The following AAK1 variants were observed in gnomAD, a reference collection of about 807,000 sequenced individuals.
AAK1 encodes the protein AP2 associated kinase 1.
Under a neutral mutation model 116.0 loss-of-function variants are expected in AAK1, and 37 were observed. That is an observed-to-expected ratio of 0.32 (90% confidence interval 0.25 to 0.42). The LOEUF is 0.42. Among genes scored for constraint, AAK1 ranks in the 10% least tolerant of loss-of-function variants. The pLI, the probability that AAK1 is intolerant of heterozygous loss-of-function variation, is 1.00. For synonymous variants in AAK1, 458 were observed against 439.9 expected (o/e 1.04, Z -0.51); for missense variants, 919 against 1,170.6 (o/e 0.79, Z 3.14).
At chr2:69,544,676 A>C (rs1670854210) in intron 3 of AAK1, 132 bp from the exon 4 acceptor site, 2 of 670,370 alleles carry the variant, frequency 3.0e-6, no homozygotes, top group East Asian at 2.7e-5. Flanking sequence ...ACTAAGGAGC[A>C]AAGTCAAGAA....
chr2:69,539,674 C>A (rs1420668832), intron 5 of AAK1, among the ~76,000 whole-genome samples: 1 of 152,188 alleles, frequency 6.6e-6, no homozygotes, highest in Non-Finnish European at 1.5e-5. Context: ...GTCACTCTAG[C>A]CTGGTCTGCA....
intron 2 of AAK1, among the ~76,000 whole-genome samples, chr2:69,604,163 C>T (rs995532000): frequency 2.6e-5 from 4 of 152,196 alleles, no homozygotes; most frequent in African/African-American, 4.8e-5. Context: ...GCCTTTGATG[C>T]ACCTCAATGC....
At chr2:69,546,098 C>CTT (rs1057245012) in intron 3 of AAK1, among the ~76,000 whole-genome samples, 2 of 147,874 alleles carry the variant, frequency 1.4e-5, no homozygotes, top group African/African-American at 4.9e-5. Context: ...CTTAGGGTAA[C>CTT]TTTTTTTTTT....
chr2:69,610,611 TG>T (rs112711276), intron 2 of AAK1, among the ~76,000 whole-genome samples: 16 of 152,216 alleles, frequency 1.1e-4, no homozygotes, highest in African/African-American at 3.9e-4. Flanking sequence ...ATCATACATC[TG>T]ATAAGAAGTT....
At chr2:69,560,137 G>A (rs140659587) in intron 2 of AAK1, among the ~76,000 whole-genome samples, 83 of 152,310 alleles carry the variant, frequency 5.4e-4, no homozygotes, top group African/African-American at 1.9e-3. Flanking sequence ...TTTAAATCAC[G>A]AGATCAAAAT....
intron 17 of AAK1, among the ~76,000 whole-genome samples, chr2:69,493,831 G>A (rs919046918): frequency 1.3e-5 from 2 of 152,166 alleles, no homozygotes; most frequent in Non-Finnish European, 2.9e-5. Flanking sequence ...CTGAAGGGAA[G>A]GCTTTCCAAG....
intron 17 of AAK1, among the ~76,000 whole-genome samples, chr2:69,492,771 G>A (rs866063776): frequency 4.6e-5 from 7 of 151,776 alleles, no homozygotes; most frequent in African/African-American, 1.7e-4. Flanking sequence ...TGATCCACCC[G>A]CCTCGACCTC....
chr2:69,516,679 AAG>A (rs1676594456), intron 12 of AAK1: 1 of 152,232 alleles, frequency 6.6e-6, no homozygotes, highest in African/African-American at 2.4e-5. Flanking sequence ...AGCCAATTTG[AAG>A]AGACTTCCAC....
At chr2:69,529,945 T>C in intron 8 of AAK1, 63 bp downstream of exon 8, 1 of 1,356,518 alleles carries the variant, frequency 7.4e-7, no homozygotes, top group Non-Finnish European at 9.9e-7. Context: ...AATCCCTTTA[T>C]CCCCCAATTC....
chr2:69,594,763 T>A, intron 2 of AAK1: 1 of 928,612 alleles, frequency 1.1e-6, no homozygotes, highest in East Asian at 2.4e-5. Context: ...CACTTAGCCC[T>A]TTCTCTTCTT....
intron 16 of AAK1, 98 bp from the exon 17 acceptor site, chr2:69,496,178 C>A: frequency 1.3e-6 from 1 of 787,670 alleles, no homozygotes; most frequent in Non-Finnish European, 2.1e-6. Flanking sequence ...TCTATTAATG[C>A]AACAGTTCAA....
intron 15 of AAK1, among the ~76,000 whole-genome samples, chr2:69,506,030 G>A (rs555109474): frequency 6.6e-6 from 1 of 152,286 alleles, no homozygotes; most frequent in Admixed American, 6.5e-5. Flanking sequence ...GCTCTAATGA[G>A]TTTGATGATC....
At chr2:69,529,726 T>C (rs1280915540) in intron 8 of AAK1, among the ~76,000 whole-genome samples, 2 of 152,224 alleles carry the variant, frequency 1.3e-5, no homozygotes, top group African/African-American at 2.4e-5. Context: ...GGAGCTTTCA[T>C]AGAGACTGCA....
chr2:69,600,655 TG>T (rs1673536136), intron 2 of AAK1, among the ~76,000 whole-genome samples: 1 of 152,206 alleles, frequency 6.6e-6, no homozygotes, highest in African/African-American at 2.4e-5. Context: ...CTGTGAACAT[TG>T]TTGAAATGAC....
intron 2 of AAK1, among the ~76,000 whole-genome samples, chr2:69,574,630 A>T (rs1672226072): frequency 1.3e-5 from 2 of 151,962 alleles, no homozygotes; most frequent in Admixed American, 1.3e-4. Flanking sequence ...AAAAAAAAAT[A>T]GTTTGTTTAT....
chr2:69,502,526 C>T lies in AAK1; in HGVS notation c.2269+3043G>A, dbSNP rs1676017938. On this transcript the variant is annotated intron_variant, in intron 16 of 21. Transcript: ENST00000409085. ...ATCTCAGCTACTTGGGAGGCTGAGG[C>T]AGGAGAATCGCTTGAACCTGGGAGG... Among the ~76,000 whole-genome samples the T allele has an allele frequency of 2.0e-5, 3 of 152,290 alleles. No homozygotes were observed. In the South Asian group the frequency reaches 6.2e-4, roughly 32 times the overall value.
At chr2:69,529,439 G>A (rs1287104333) in intron 8 of AAK1, among the ~76,000 whole-genome samples, 1 of 151,858 alleles carries the variant, frequency 6.6e-6, no homozygotes, top group South Asian at 2.1e-4. Flanking sequence ...CTACCATCTG[G>A]TTAATGAATG....
intron 11 of AAK1, among the ~76,000 whole-genome samples, chr2:69,520,519 T>G (rs993918257): frequency 2.0e-5 from 3 of 151,958 alleles, no homozygotes; most frequent in African/African-American, 7.3e-5. Context: ...CCACAATGCC[T>G]GGCTAATTTT....
chr2:69,500,664 A>AATATATATATATATATAT (rs34635707), intron 16 of AAK1, among the ~76,000 whole-genome samples: 76 of 60,808 alleles, frequency 1.2e-3, no homozygotes, highest in East Asian at 2.3e-3. Flanking sequence ...AGTCCCTTAA[A>AATATATATATATATATAT]ATATATATAT....
Sources: gnomAD v4.1 joint callset for allele counts (sites outside exome capture counted in the v4.1 genomes callset) on GRCh38, gnomAD v4.1.1 for gene constraint, MANE v1.5 for transcripts, NCBI Gene and HGNC (gene_info 2026-07-23, HGNC 2026-07-21) for gene names.